GALNT17: variants seen among roughly 807,000 people sequenced by gnomAD.
GALNT17 encodes UDP-GalNAc:polypeptide N-acetylgalactosaminyltransferase-like 3.
GALNT17 carries 29 observed loss-of-function variants against 63.7 expected under a neutral mutation model. The ratio of observed to expected loss-of-function variants is 0.46; its 90% confidence interval spans 0.34 to 0.62. The LOEUF is 0.62. Among genes scored for constraint, GALNT17 ranks in the 20% least tolerant of loss-of-function variants. The probability of loss-of-function intolerance (pLI) is 0.01; values close to 1 mark genes in which losing one functional copy is unlikely to be tolerated. For missense variants in GALNT17, 603 were observed against 799.6 expected, an observed-to-expected ratio of 0.75 and a Z score of 2.97; for synonymous variants, 305 against 318.3, an observed-to-expected ratio of 0.96 and a Z score of 0.45.
chr7:71,669,666 A>G (rs574541559), intron 7 of GALNT17, among the ~76,000 whole-genome samples: 2 of 146,646 alleles, frequency 1.4e-5, no homozygotes, highest in East Asian at 4.2e-4. Flanking sequence ...GGTTTAAGTG[A>G]TTCTCGTGCC....
chr7:71,409,350 C>G (rs1401653038), intron 3 of GALNT17, among the ~76,000 whole-genome samples: 2 of 152,160 alleles, frequency 1.3e-5, no homozygotes, highest in Non-Finnish European at 2.9e-5. Flanking sequence ...CCAGTTGATG[C>G]AGCAGCTCCC....
At chr7:71,589,992 A>T (rs997170612) in intron 6 of GALNT17, among the ~76,000 whole-genome samples, 1 of 152,184 alleles carries the variant, frequency 6.6e-6, no homozygotes, top group South Asian at 2.1e-4. Context: ...GCAATAGATT[A>T]TGTTCATAAT....
chr7:71,574,501 T>C (rs928406595), intron 6 of GALNT17, among the ~76,000 whole-genome samples: 1 of 152,144 alleles, frequency 6.6e-6, no homozygotes, highest in African/African-American at 2.4e-5. Context: ...CTCTTAACTT[T>C]CCATAGACCA....
Position 71,394,091 on chromosome 7 carries a change from T to C in GALNT17, c.589+5690T>C, listed in dbSNP as rs182528088. ...AGTCTAGGTAATTTATAACGGAAAG[T>C]AATTTATTTCACACACGGTTCTGTA... On this transcript the variant is annotated intron_variant, in intron 3 of 10. Transcript: ENST00000333538. Among the ~76,000 whole-genome samples, 46 of 152,288 alleles carry C rather than the reference T, an allele frequency of 3.0e-4. 4 individuals are homozygous for C. Among genetic ancestry groups the C allele is most frequent in the East Asian group, 2.9e-3 (15 of 5,170 alleles).
At chr7:71,422,257 T>C (rs1786680066) in intron 5 of GALNT17, among the ~76,000 whole-genome samples, 1 of 152,104 alleles carries the variant, frequency 6.6e-6, no homozygotes, top group South Asian at 2.1e-4. Flanking sequence ...CTATGTCGCA[T>C]CTCCCTTTCT....
At chr7:71,622,435 T>C (rs955174345) in intron 6 of GALNT17, among the ~76,000 whole-genome samples, 1 of 152,308 alleles carries the variant, frequency 6.6e-6, no homozygotes, top group Non-Finnish European at 1.5e-5. Context: ...GATATCTTCT[T>C]GTCTCTAGGA....
intron 1 of GALNT17, among the ~76,000 whole-genome samples, chr7:71,305,689 A>G (rs1791278055): frequency 6.6e-6 from 1 of 152,142 alleles, no homozygotes; most frequent in Non-Finnish European, 1.5e-5. Context: ...GTCAGCAGTA[A>G]AGGACTTACT....
chr7:71,584,900 G>A (rs926384643), intron 6 of GALNT17, among the ~76,000 whole-genome samples: 10 of 152,050 alleles, frequency 6.6e-5, no homozygotes, highest in African/African-American at 9.7e-5. Context: ...GACTATAGGC[G>A]TCCGCCACCA....
chr7:71,301,788 A>C (rs1437212213), intron 1 of GALNT17, among the ~76,000 whole-genome samples: 1 of 152,224 alleles, frequency 6.6e-6, no homozygotes, highest in Non-Finnish European at 1.5e-5. Flanking sequence ...TGAATAATGT[A>C]AAGGATAGGT....
intron 5 of GALNT17, among the ~76,000 whole-genome samples, chr7:71,471,546 A>G (rs768380998): frequency 1.3e-5 from 2 of 152,170 alleles, no homozygotes; most frequent in Non-Finnish European, 1.5e-5. Context: ...CAAAATTGCA[A>G]TCACAGACCT....
At chr7:71,540,426 C>T (rs1584035720) in intron 5 of GALNT17, among the ~76,000 whole-genome samples, 1 of 151,984 alleles carries the variant, frequency 6.6e-6, no homozygotes, top group East Asian at 1.9e-4. Flanking sequence ...CCATGCCTGG[C>T]CTTTTTAACA....
At chr7:71,684,129 C>G (rs759635683) in intron 9 of GALNT17, among the ~76,000 whole-genome samples, 7 of 152,184 alleles carry the variant, frequency 4.6e-5, no homozygotes, top group Non-Finnish European at 1.0e-4. Context: ...CCAGTTCTAC[C>G]AGGCTGTTGC....
intron 2 of GALNT17, among the ~76,000 whole-genome samples, chr7:71,367,575 G>C (rs1471617085): frequency 2.0e-5 from 3 of 152,036 alleles, no homozygotes; most frequent in Non-Finnish European, 4.4e-5. Context: ...GGTTACAGTG[G>C]GGCCCCCAAT....
chr7:71,157,761 T>C (rs1417293140), intron 1 of GALNT17, among the ~76,000 whole-genome samples: 2 of 151,808 alleles, frequency 1.3e-5, no homozygotes, highest in Non-Finnish European at 2.9e-5. Flanking sequence ...ATTCTTTTTT[T>C]CTCCACCATT....
intron 7 of GALNT17, 85 bp downstream of exon 7, chr7:71,665,681 C>A: frequency 6.8e-7 from 1 of 1,461,718 alleles, no homozygotes; most frequent in Non-Finnish European, 9.2e-7. Context: ...CCAATCGTTC[C>A]TCCCCAGAAA....
intron 5 of GALNT17, among the ~76,000 whole-genome samples, chr7:71,501,208 A>G (rs1207772766): frequency 1.3e-5 from 2 of 151,990 alleles, no homozygotes; most frequent in Non-Finnish European, 2.9e-5. Context: ...GCCTCAAATG[A>G]TCCATCCTCC....
At chr7:71,707,830 G>A (rs1791741626) in intron 9 of GALNT17, among the ~76,000 whole-genome samples, 1 of 152,178 alleles carries the variant, frequency 6.6e-6, no homozygotes, top group African/African-American at 2.4e-5. Context: ...CTAGGAACAG[G>A]CACAGCCTCA....
intron 9 of GALNT17, among the ~76,000 whole-genome samples, chr7:71,707,117 CATT>C (rs1421785001): frequency 6.6e-6 from 1 of 152,096 alleles, no homozygotes; most frequent in African/African-American, 2.4e-5. Flanking sequence ...GGGAAAATTG[CATT>C]ATTTATTCTC....
chr7:71,321,921 TCCCC>T (rs1450021444), intron 1 of GALNT17, among the ~76,000 whole-genome samples: 217 of 32,052 alleles, frequency 6.8e-3, no homozygotes, highest in South Asian at 0.01. Flanking sequence ...CTTCCTTCCT[TCCCC>T]TCCCTCCCTC....
Sources: allele counts gnomAD v4.1 joint callset (sites outside exome capture counted in the v4.1 genomes callset), GRCh38; gene constraint gnomAD v4.1.1; transcripts MANE v1.5; gene names NCBI Gene and HGNC (gene_info 2026-07-23, HGNC 2026-07-21).